Variants in RAD21L1 observed in about 807,000 individuals in gnomAD.
RAD21L1 encodes RAD21 cohesin complex component like 1, also known as double-strand-break repair protein rad21-like protein 1.
A neutral mutation model predicts 69.0 loss-of-function variants in RAD21L1; 47 were observed. The ratio of observed to expected loss-of-function variants is 0.68; its 90% CI spans 0.54 to 0.87. The LOEUF is 0.87. RAD21L1 is among the 40% of genes least tolerant of loss of function. The pLI, the probability that RAD21L1 is intolerant of heterozygous loss-of-function variation, is 0.00. For synonymous variants in RAD21L1, 177 were observed against 205.8 expected, an observed-to-expected ratio of 0.86 and a Z score of 1.20; for missense variants, 583 against 647.6, an observed-to-expected ratio of 0.90 and a Z score of 1.08.
chr20:1,253,485 C>T (rs965392181), intron 13 of RAD21L1, among the ~76,000 whole-genome samples: 3 of 152,046 alleles, frequency 2.0e-5, no homozygotes, highest in African/African-American at 7.2e-5. Context: ...TTAGTACAGA[C>T]AAGGTTTCAC....
chr20:1,234,128 C>T lies in RAD21L1; in HGVS notation c.412C>T (p.Pro138Ser), dbSNP rs2122787888. The change falls in exon 5 of 14, where the codon CCA becomes TCA. Residue 138 changes from proline to serine, a missense_variant. Pro to Ser is a moderately conservative substitution (Grantham distance 74, BLOSUM62 -1). Coordinates refer to ENST00000683101, the MANE Select transcript of RAD21L1 (RefSeq NM_001384355.1). Reference protein sequence around the residue: ...SEHFTQNQSRPEEITLRENFD... With the variant: ...SEHFTQNQSRSEEITLRENFD... ...ACACTTTACTCAGAACCAAAGCAGA[C>T]CAGAAGAAATCACTCTTAGAGAAAA... 1 of 1,545,426 alleles carries T rather than the reference C, an allele frequency of 6.5e-7. No individual in the cohort carries two copies. Among genetic ancestry groups the T allele is most frequent in the Non-Finnish European group, 8.8e-7 (1 of 1,141,938 alleles).
chr20:1,243,293 A>G lies in RAD21L1; in HGVS notation c.1183+97A>G, dbSNP rs2087655145. On this transcript the variant is annotated intron_variant, in intron 10 of 13. Transcript: ENST00000683101. ...AAATGAAGGTGGGATCCAATTCCAT[A>G]TTCTCAAGTATAAATGCTAACTCTG... The G allele has an allele frequency of 1.3e-5, 8 of 597,972 alleles. No individual in the cohort carries two copies. In the South Asian group the frequency reaches 2.0e-4, roughly 15 times the overall value. The allele number at this position is 597,972 out of a possible 1,614,324, so 37.0% of individuals were successfully genotyped here.
chr20:1,252,307 G>T (rs369373176), intron 13 of RAD21L1, among the ~76,000 whole-genome samples: 1 of 152,130 alleles, frequency 6.6e-6, no homozygotes, highest in Non-Finnish European at 1.5e-5. Context: ...CATGAGTAGG[G>T]GTTGTAGACT....
At chr20:1,243,560 A>G (rs1008721311) in intron 10 of RAD21L1, among the ~76,000 whole-genome samples, 10 of 152,352 alleles carry the variant, frequency 6.6e-5, no homozygotes, top group African/African-American at 2.2e-4. Context: ...ATGAAAAGTC[A>G]TGTAAGGATA....
At chr20:1,241,569 T>C (rs561084196) in intron 8 of RAD21L1, among the ~76,000 whole-genome samples, 12 of 152,306 alleles carry the variant, frequency 7.9e-5, no homozygotes, top group African/African-American at 2.9e-4. Flanking sequence ...AAATTCAATC[T>C]GTGTAGCTTC....
chr20:1,239,642 GC>G (rs985526405), intron 7 of RAD21L1, among the ~76,000 whole-genome samples: 3 of 152,136 alleles, frequency 2.0e-5, no homozygotes, highest in Non-Finnish European at 4.4e-5. Flanking sequence ...AATATATTGT[GC>G]TTTTTGAATT....
chr20:1,228,305 A>C, intron 1 of RAD21L1, 117 bp from the exon 2 acceptor site: 2 of 510,270 alleles, frequency 3.9e-6, no homozygotes, highest in Non-Finnish European at 6.8e-6. Flanking sequence ...AATTGTATTG[A>C]ATAATTGAAT....
At chr20:1,226,366 A>G (rs2087259391) in intron 1 of RAD21L1, 1 of 152,236 alleles carries the variant, frequency 6.6e-6, no homozygotes, top group Non-Finnish European at 1.5e-5. Flanking sequence ...CGCACGCGGA[A>G]GAAAATGGGC....
At position 1,246,421 on chromosome 20, in the gene RAD21L1, A is replaced by C; in HGVS notation, c.1401+116A>C. ...TGTCATGTTACTTTCTAAATTTATA[A>C]TTTAAATTTGTGATTACAACAGAGA... is the stretch of plus-strand genomic sequence containing the variant. On this transcript the variant is annotated intron_variant, in intron 12 of 13. Coordinates refer to ENST00000683101, the MANE Select transcript of RAD21L1 (RefSeq NM_001384355.1). This position sits in a 1 kb window ranked among gnomAD's most constrained non-coding sequence, Gnocchi z 4.6. The C allele has an allele frequency of 2.3e-6, 1 of 441,064 alleles. No homozygotes were observed. Among genetic ancestry groups the C allele is most frequent in the Non-Finnish European group, 4.0e-6 (1 of 249,858 alleles). The allele number at this position is 441,064 out of a possible 1,614,324, so 27.3% of individuals were successfully genotyped here. A position where few individuals can be genotyped will look rare whatever the true frequency, so the allele number is the denominator to read the frequency against.
At chr20:1,238,468 T>C (rs2122815189) in intron 6 of RAD21L1, among the ~76,000 whole-genome samples, 1 of 152,276 alleles carries the variant, frequency 6.6e-6, no homozygotes, top group African/African-American at 2.4e-5. Flanking sequence ...TTTTACAAAT[T>C]CCTAATTTTT....
intron 5 of RAD21L1, among the ~76,000 whole-genome samples, chr20:1,236,172 ATTTCCTTAGCCAGTGATATAGT>A (rs2087491790): frequency 1.3e-5 from 2 of 151,872 alleles, no homozygotes; most frequent in African/African-American, 4.8e-5. Flanking sequence ...TCTTTTTTCT[ATTTCCTTAGCCAGTGATATAGT>A]TCACCAGTAC....
At chr20:1,239,892 C>T (rs8122259) in intron 7 of RAD21L1, among the ~76,000 whole-genome samples, 7,716 of 152,188 alleles carry the variant, frequency 0.051, 246 homozygotes, top group South Asian at 0.095. Flanking sequence ...CTAAAAACAA[C>T]AGTAGAAACT....
At chr20:1,230,321 G>A (rs1317403342) in intron 3 of RAD21L1, among the ~76,000 whole-genome samples, 1 of 152,102 alleles carries the variant, frequency 6.6e-6, no homozygotes, top group Non-Finnish European at 1.5e-5. Flanking sequence ...TGTCGTGCCT[G>A]TTTTTGCCTT....
At position 1,248,657 on chromosome 20, in the gene RAD21L1, CAG is replaced by C. The variant is rs1250598282; in HGVS notation, c.1439_1440del (p.Arg480MetfsTer16). 3.3e-6 allele frequency: 5 copies of C among 1,535,540 alleles called. 1 individual carries two copies. Among genetic ancestry groups the C allele is most frequent in the Admixed American group, 4.0e-5 (2 of 49,864 alleles). ...TTGAGCAATGAAGAAAATATTGAGA[CAG>C]AGAGATGGAATGGAAGAATACTTCA... On this transcript the variant is annotated frameshift_variant, in exon 13 of 14. Coordinates refer to ENST00000683101, the MANE Select transcript of RAD21L1 (RefSeq NM_001384355.1). LOFTEE classifies it high-confidence loss of function.
chr20:1,249,281 T>A (rs553437139), intron 13 of RAD21L1, among the ~76,000 whole-genome samples: 2 of 152,324 alleles, frequency 1.3e-5, no homozygotes, highest in South Asian at 4.1e-4. Flanking sequence ...TGAATTCTTT[T>A]GACAGAAAAC....
rs1473192440 is a variant in RAD21L1 at position 1,246,604 on chromosome 20, T to A, written c.1401+299T>A. 6.6e-6 allele frequency among the ~76,000 whole-genome samples: 1 copy of A among 152,134 alleles called. No individual in the cohort carries two copies. The highest frequency in any genetic ancestry group is 1.5e-5 in the Non-Finnish European group (1 of 67,984). ...TTTTAAATGTTGAGAATCACTGTTT[T>A]AAATTATTGATATAACATCTCTAAA... is the stretch of plus-strand genomic sequence containing the variant. On this transcript the variant is annotated intron_variant, in intron 12 of 13. Transcript: ENST00000683101. The surrounding 1 kb of genome is among the most constrained non-coding windows in gnomAD (Gnocchi z 4.6).
chr20:1,230,861 T>G (rs2087375196), intron 3 of RAD21L1: 1 of 271,322 alleles, frequency 3.7e-6, no homozygotes, highest in African/African-American at 2.3e-5. Flanking sequence ...AACACTATGT[T>G]AGGCTCTGGG....
chr20:1,234,053 C>T (rs1301953562), intron 4 of RAD21L1, 32 bp from the exon 5 acceptor site: 2 of 1,002,100 alleles, frequency 2.0e-6, no homozygotes, highest in Non-Finnish European at 3.0e-6. Context: ...TTTCTGTTCT[C>T]ATGTTTTTCT....
chr20:1,228,604 T>TA lies in RAD21L1; in HGVS notation c.144+8dup, dbSNP rs1325887210. 3.3e-6 allele frequency: 5 copies of TA among 1,517,608 alleles called. No homozygotes were observed. The highest frequency in any genetic ancestry group is 4.4e-6 in the Non-Finnish European group (5 of 1,127,292). The allele number at this position is 1,517,608 out of a possible 1,614,324, so 94.0% of individuals were successfully genotyped here. A position where few individuals can be genotyped will look rare whatever the true frequency, so the allele number is the denominator to read the frequency against. On this transcript the variant is annotated splice_region_variant and intron_variant, in intron 2 of 13. Coordinates refer to ENST00000683101, the MANE Select transcript of RAD21L1 (RefSeq NM_001384355.1). ...AAAAATTCTTTCACCCAAGGTATGT[T>TA]ACTGATTAAAATGATAGCTTGTATT...
Sources: gnomAD v4.1 joint callset for allele counts (sites outside exome capture counted in the v4.1 genomes callset) on GRCh38, gnomAD v4.1.1 for gene constraint, Gnocchi (gnomAD v3.1) non-coding constraint, MANE v1.5 for transcripts, NCBI Gene and HGNC (gene_info 2026-07-23, HGNC 2026-07-21) for gene names.